PIEZO2: variants seen among roughly 807,000 people sequenced by gnomAD.
The protein encoded by PIEZO2 is piezo-type mechanosensitive ion channel component 2.
In PIEZO2, 172 loss-of-function variants were observed where a neutral mutation model predicts 337.3. That is an observed-to-expected ratio of 0.51 (90% CI 0.45 to 0.58). The LOEUF is 0.58. PIEZO2 is among the 20% of genes least tolerant of loss of function. PIEZO2 has a pLI of 0.00. For missense variants in PIEZO2, 3,028 were observed against 3,391.3 expected (o/e 0.89, Z 2.66); for synonymous variants, 1,251 against 1,228.5 (o/e 1.02, Z -0.38).
intron 18 of PIEZO2, among the ~76,000 whole-genome samples, chr18:10,776,454 A>G (rs989543895): frequency 6.6e-6 from 1 of 152,250 alleles, no homozygotes; most frequent in African/African-American, 2.4e-5. Flanking sequence ...AGAATTAGAA[A>G]CATGCTTTTG....
chr18:11,007,930 A>G (rs952145867), intron 2 of PIEZO2, among the ~76,000 whole-genome samples: 1 of 152,238 alleles, frequency 6.6e-6, no homozygotes, highest in African/African-American at 2.4e-5. Flanking sequence ...AGAAGAGCAC[A>G]GAAATGACAA....
At chr18:10,890,025 A>C (rs1306912436) in intron 4 of PIEZO2, among the ~76,000 whole-genome samples, 2 of 152,168 alleles carry the variant, frequency 1.3e-5, no homozygotes, top group Non-Finnish European at 2.9e-5. Context: ...TCCTGAGATA[A>C]ATTCTTTATC....
chr18:10,760,397 T>C (rs999304990), intron 24 of PIEZO2, among the ~76,000 whole-genome samples: 1 of 152,216 alleles, frequency 6.6e-6, no homozygotes. Context: ...CTCTGCCTCC[T>C]GGGTTCAGGC....
chr18:10,912,605 GT>G (rs1249172649), intron 3 of PIEZO2, among the ~76,000 whole-genome samples: 5 of 152,168 alleles, frequency 3.3e-5, no homozygotes, highest in Non-Finnish European at 7.3e-5. Context: ...AACTCGTACG[GT>G]GCTTAGGTTT....
rs573667862 is a variant in PIEZO2, at chr18:10,769,872, G to A, written c.2946+276C>T. 1.7e-4 allele frequency: 52 copies of A among 300,082 alleles called. No homozygotes were observed. The South Asian group carries it at 5.7e-3, about 33-fold the overall frequency. 18.6% of individuals were successfully genotyped at this position (300,082 alleles called of 1,614,324 possible). A position where few individuals can be genotyped will look rare whatever the true frequency, so the allele number is the denominator to read the frequency against. ...TAGATTCCCATAGGCAGGGGCAGAA[G>A]GGCAGCCTGCTCTCACACTCTTCCC... On this transcript the variant is annotated intron_variant, in intron 21 of 55. Coordinates refer to ENST00000674853, the MANE Select transcript of PIEZO2 (RefSeq NM_001378183.1).
rs1267478261 is a variant in PIEZO2 at position 10,763,059 on chromosome 18, A to G, written c.2986T>C (p.Phe996Leu). The change falls in exon 22 of 56, where the codon TTT becomes CTT. Residue 996 changes from phenylalanine (F) to leucine (L), a missense_variant. By Grantham distance (22) the Phe-to-Leu change is conservative (BLOSUM62 0). Around this residue, in one of 5 missense-constraint regions of PIEZO2, gnomAD observed 1,925 missense variants for 2,051.9 expected, o/e 0.94. Coordinates refer to ENST00000674853, the MANE Select transcript of PIEZO2 (RefSeq NM_001378183.1). ...FNYVFLISWA[F>L]ALPYAKLRRL... ...CGCAGCTTGGCGTACGGCAGAGCAA[A>G]AGCCCAAGAAATCAAAAATACATAG... The G allele has an allele frequency of 1.3e-6, 2 of 1,537,354 alleles. No homozygotes were observed. Among genetic ancestry groups the G allele is most frequent in the Non-Finnish European group, 1.7e-6 (2 of 1,146,942 alleles).
chr18:11,076,353 A>G (rs1374076571), intron 1 of PIEZO2, among the ~76,000 whole-genome samples: 1 of 152,242 alleles, frequency 6.6e-6, no homozygotes, highest in African/African-American at 2.4e-5. Context: ...ATAATAGATT[A>G]TAAGGACTTG....
At chr18:10,814,260 TGCCCCGTC>T (rs1013700330) in intron 7 of PIEZO2, among the ~76,000 whole-genome samples, 7 of 151,664 alleles carry the variant, frequency 4.6e-5, no homozygotes, top group African/African-American at 1.7e-4. Flanking sequence ...TGAGCCACCG[TGCCCCGTC>T]CCATACTTTT....
At chr18:10,722,780 G>A (rs2036372774) in intron 36 of PIEZO2, among the ~76,000 whole-genome samples, 1 of 152,098 alleles carries the variant, frequency 6.6e-6, no homozygotes, top group Non-Finnish European at 1.5e-5. Context: ...CCACGAGAGT[G>A]GATGAGAACA....
At position 10,973,006 on chromosome 18, in the gene PIEZO2, C is replaced by T. The variant is rs575538815; in HGVS notation, c.286+6529G>A. On this transcript the variant is annotated intron_variant, in intron 3 of 55. Transcript: ENST00000674853. This position sits in a 1 kb window ranked among gnomAD's most constrained non-coding sequence, Gnocchi z 4.9. ...GGACTCACTTTCCCCACCAGTAATA[C>T]GATATGCAACTAGCTCACAGTCACC... Among the ~76,000 whole-genome samples the T allele has an allele frequency of 6.6e-5, 10 of 152,240 alleles. No individual in the cohort carries two copies. Among genetic ancestry groups the T allele is most frequent in the South Asian group, 2.1e-4 (1 of 4,822 alleles).
chr18:11,051,047 C>T (rs995137480), intron 2 of PIEZO2, among the ~76,000 whole-genome samples: 2 of 152,222 alleles, frequency 1.3e-5, no homozygotes, highest in Non-Finnish European at 1.5e-5. Flanking sequence ...TTATTATTCC[C>T]GTGGCCATTT....
intron 2 of PIEZO2, among the ~76,000 whole-genome samples, chr18:11,030,816 G>A (rs1265484279): frequency 6.6e-6 from 1 of 152,050 alleles, no homozygotes; most frequent in Non-Finnish European, 1.5e-5. Flanking sequence ...AAAAAGCAAA[G>A]TTTATCTATA....
At position 10,940,468 on chromosome 18, in the gene PIEZO2, G is replaced by C. The variant is rs564957314; in HGVS notation, c.287-29240C>G. On this transcript the variant is annotated intron_variant, in intron 3 of 55. Coordinates refer to ENST00000674853, the MANE Select transcript of PIEZO2 (RefSeq NM_001378183.1). The surrounding 1 kb of genome is among the most constrained non-coding windows in gnomAD (Gnocchi z 5.3). ...TTCCTCCAGTGAACATTTTACATAA[G>C]GTATCCTTGTAGTTCTTTCTAGAAC... Among the ~76,000 whole-genome samples the C allele has an allele frequency of 2.0e-5, 3 of 152,264 alleles. No individual in the cohort carries two copies. The highest frequency in any genetic ancestry group is 4.1e-4 in the South Asian group (2 of 4,822).
intron 1 of PIEZO2, among the ~76,000 whole-genome samples, chr18:11,136,731 G>A (rs1310902730): frequency 6.6e-6 from 1 of 152,090 alleles, no homozygotes; most frequent in South Asian, 2.1e-4. Flanking sequence ...ACCTGCGTAG[G>A]GAGCCCCAGT....
rs1567957908 is a variant in PIEZO2 at position 10,696,415 on chromosome 18, C to T, written c.6952G>A (p.Val2318Ile). The change falls in exon 46 of 56, where the codon GTC becomes ATC. Residue 2318 changes from valine (V) to isoleucine (I), a missense_variant. Physicochemically the swap from Val to Ile is conservative, Grantham distance 29 (BLOSUM62 3). Coordinates refer to ENST00000674853, the MANE Select transcript of PIEZO2 (RefSeq NM_001378183.1). ...LADTVDFIII[V>I]FGFWAFGKHS... Reference sequence around the variant, plus strand: ...ACCCCAAAGGCCCAAAAGCCGAAGACAATGATGATGAAGTCCACAGTGTCA... The same window carrying T: ...ACCCCAAAGGCCCAAAAGCCGAAGATAATGATGATGAAGTCCACAGTGTCA... The T allele has an allele frequency of 2.5e-6, 4 of 1,614,218 alleles. No individual in the cohort carries two copies. Among genetic ancestry groups the T allele is most frequent in the South Asian group, 1.1e-5 (1 of 91,078 alleles).
At position 10,878,190 on chromosome 18, in the gene PIEZO2, C is replaced by T. The variant is rs1278111087; in HGVS notation, c.330-6775G>A. The stretch of plus-strand genomic sequence containing the variant: ...AGCCCTTGCCTGTTTCATCTGTTTC[C>T]CTGGGGACCAGCATGGTAGATGGTG... On this transcript the variant is annotated intron_variant, in intron 4 of 55. Coordinates refer to ENST00000674853, the MANE Select transcript of PIEZO2 (RefSeq NM_001378183.1). The surrounding 1 kb of genome is among the most constrained non-coding windows in gnomAD (Gnocchi z 4.3). 6.6e-6 allele frequency among the ~76,000 whole-genome samples: 1 copy of T among 152,218 alleles called. No individual in the cohort carries two copies. The highest frequency in any genetic ancestry group is 2.1e-4 in the South Asian group (1 of 4,828).
chr18:10,832,719 G>A (rs1278728438), intron 7 of PIEZO2, among the ~76,000 whole-genome samples: 2 of 152,128 alleles, frequency 1.3e-5, no homozygotes, highest in Non-Finnish European at 2.9e-5. Flanking sequence ...GGAGACACAC[G>A]GTGGCTCCAC....
At chr18:10,747,452 G>A (rs2037468255) in intron 30 of PIEZO2, among the ~76,000 whole-genome samples, 1 of 152,170 alleles carries the variant, frequency 6.6e-6, no homozygotes, top group Admixed American at 6.5e-5. Flanking sequence ...TTATATACAA[G>A]TAAGTAAGGT....
Position 11,034,867 on chromosome 18 carries a change from A to G in PIEZO2, c.160+31260T>C, listed in dbSNP as rs917478153. Among the ~76,000 whole-genome samples the G allele has an allele frequency of 2.0e-5, 3 of 152,142 alleles. No individual in the cohort carries two copies. In the South Asian group the frequency reaches 6.2e-4, roughly 32 times the overall value. ...CTCAAACAAAAACAAACAAACAAAC[A>G]AAAACCTCTCCCAGAATCAAGTATC... On this transcript the variant is annotated intron_variant, in intron 2 of 55. Coordinates refer to ENST00000674853, the MANE Select transcript of PIEZO2 (RefSeq NM_001378183.1).
Sources: allele counts gnomAD v4.1 joint callset (sites outside exome capture counted in the v4.1 genomes callset), GRCh38; gene constraint gnomAD v4.1.1; regional missense constraint gnomAD v4.1.1; non-coding constraint Gnocchi (gnomAD v3.1); transcripts MANE v1.5; gene names NCBI Gene and HGNC (gene_info 2026-07-23, HGNC 2026-07-21).